The following ALKBH1 variants were observed in gnomAD, a reference collection of about 807,000 sequenced individuals.
ALKBH1 encodes the protein nucleic acid dioxygenase ALKBH1.
In ALKBH1, 31 loss-of-function variants were observed where a neutral mutation model predicts 36.6. The observed-to-expected ratio is 0.85, with a 90% CI of 0.64 to 1.14. ALKBH1 has a LOEUF of 1.14. Ranked by LOEUF, ALKBH1 falls within the 50% of genes most tolerant of loss-of-function variation. The probability of loss-of-function intolerance (pLI) is 0.00; values close to 1 mark genes in which losing one functional copy is unlikely to be tolerated. For missense variants in ALKBH1, 490 were observed against 497.3 expected (o/e 0.99, Z 0.14); for synonymous variants, 183 against 186.6 (o/e 0.98, Z 0.16).
At chr14:77,680,460 T>C (rs755033815) in intron 3 of ALKBH1, among the ~76,000 whole-genome samples, 2 of 152,148 alleles carry the variant, frequency 1.3e-5, no homozygotes, top group African/African-American at 2.4e-5. Flanking sequence ...CAAAATATAG[T>C]GTATAGTACA....
intron 5 of ALKBH1, among the ~76,000 whole-genome samples, chr14:77,674,849 GCC>G (rs2080196418): frequency 6.6e-6 from 1 of 152,106 alleles, no homozygotes; most frequent in African/African-American, 2.4e-5. Flanking sequence ...ATCATGCCCA[GCC>G]TATTGATGTG....
chr14:77,704,065 C>A (rs767002922), intron 2 of ALKBH1, among the ~76,000 whole-genome samples: 1 of 152,298 alleles, frequency 6.6e-6, no homozygotes, highest in Middle Eastern at 3.4e-3. Context: ...TTATTCTTCA[C>A]AGCACTTCTG....
At chr14:77,690,615 C>T (rs921196705) in intron 3 of ALKBH1, among the ~76,000 whole-genome samples, 1 of 152,108 alleles carries the variant, frequency 6.6e-6, no homozygotes, top group South Asian at 2.1e-4. Context: ...TTTATTCTGG[C>T]TTTGAAGTCT....
At chr14:77,682,526 AAAGGATG>A (rs2080243447) in intron 3 of ALKBH1, among the ~76,000 whole-genome samples, 1 of 152,162 alleles carries the variant, frequency 6.6e-6, no homozygotes, top group Non-Finnish European at 1.5e-5. Flanking sequence ...CTGTTGAAGA[AAAGGATG>A]ATGATGATGA....
chr14:77,680,433 G>A (rs1216384805), intron 3 of ALKBH1, among the ~76,000 whole-genome samples: 6 of 151,270 alleles, frequency 4.0e-5, no homozygotes, highest in Non-Finnish European at 8.8e-5. Flanking sequence ...TGCAGGTTGG[G>A]GAAAAAAAAA....
intron 1 of ALKBH1, among the ~76,000 whole-genome samples, chr14:77,707,383 G>A (rs905143305): frequency 6.6e-6 from 1 of 152,214 alleles, no homozygotes. Context: ...AAAAGAGCCA[G>A]AGGAGAAGAC....
chr14:77,692,796 G>GTATTTATT lies in ALKBH1; in HGVS notation c.455+1934_455+1941dup, dbSNP rs10638828. On this transcript the variant is annotated intron_variant, in intron 3 of 5. Coordinates refer to ENST00000216489, the MANE Select transcript of ALKBH1 (RefSeq NM_006020.3). ...TGTCTGTCCCTGCACCTACCAAATT[G>GTATTTATT]TATTTATTTATTTATTTATTTATTT... Among the ~76,000 whole-genome samples the GTATTTATT allele has an allele frequency of 1.9e-3, 289 of 150,234 alleles. 1 individual carries two copies. Among genetic ancestry groups the GTATTTATT allele is most frequent in the Non-Finnish European group, 3.2e-3 (213 of 67,532 alleles).
rs755218049 is a variant in ALKBH1 at position 77,673,942 on chromosome 14, A to G, written c.1040T>C (p.Leu347Pro). The G allele has an allele frequency of 6.2e-6, 10 of 1,614,216 alleles. No homozygotes were observed. Among genetic ancestry groups the G allele is most frequent in the Non-Finnish European group, 8.5e-6 (10 of 1,180,038 alleles). ...TAGAGGGAAATTCTGGTCTGTGGCCAGGACCTGTCGGACAGTCATGTTAAC... is the reference window on the plus strand; with the variant it reads ...TAGAGGGAAATTCTGGTCTGTGGCCGGGACCTGTCGGACAGTCATGTTAAC... ...ARVNMTVRQV[L>P]ATDQNFPLEP... The change falls in exon 6 of 6, where the codon CTG becomes CCG. Residue 347 changes from leucine to proline, a missense_variant. Leu to Pro is a moderately conservative substitution (Grantham distance 98). Transcript: ENST00000216489.
chr14:77,682,806 T>A (rs894839653), intron 3 of ALKBH1, among the ~76,000 whole-genome samples: 4 of 152,112 alleles, frequency 2.6e-5, no homozygotes, highest in Non-Finnish European at 5.9e-5. Flanking sequence ...GAAGTGATTC[T>A]CCTGCCTCAG....
chr14:77,707,556 C>T (rs1242471932), intron 1 of ALKBH1, among the ~76,000 whole-genome samples: 1 of 152,126 alleles, frequency 6.6e-6, no homozygotes, highest in Non-Finnish European at 1.5e-5. Flanking sequence ...TGTGAGGAGA[C>T]AGTTACAGTA....
At chr14:77,691,604 C>T (rs988976008) in intron 3 of ALKBH1, 4 of 152,164 alleles carry the variant, frequency 2.6e-5, no homozygotes, top group Non-Finnish European at 4.4e-5. Context: ...TGGCCTTAAT[C>T]GATTTTCAGT....
intron 3 of ALKBH1, chr14:77,683,117 G>A (rs1012980272): frequency 1.3e-5 from 7 of 527,442 alleles, no homozygotes; most frequent in Admixed American, 3.3e-5. Context: ...CTCCCAGAGT[G>A]CTAAGTGAGG....
Position 77,673,885 on chromosome 14 carries a change from C to T in ALKBH1, c.1097G>A (p.Ser366Asn). ...EPIEDEKRDI[S>N]TEGFCHLDDQ... ...ATCCAGATGGCAGAAACCTTCTGTACTGATGTCTCTTTTTTCATCCTCGAT... is the reference window on the plus strand; with the variant it reads ...ATCCAGATGGCAGAAACCTTCTGTATTGATGTCTCTTTTTTCATCCTCGAT... The change falls in exon 6 of 6, where the codon AGT becomes AAT. Residue 366 changes from serine to asparagine, a missense_variant. By Grantham distance (46) the Ser-to-Asn change is conservative. Coordinates refer to ENST00000216489, the MANE Select transcript of ALKBH1 (RefSeq NM_006020.3). 6.2e-7 allele frequency: 1 copy of T among 1,614,214 alleles called. No individual in the cohort carries two copies. The highest frequency in any genetic ancestry group is 8.5e-7 in the Non-Finnish European group (1 of 1,180,042).
Position 77,673,507 on chromosome 14 carries a change from C to A in ALKBH1, c.*305G>T. The A allele has an allele frequency of 3.0e-6, 1 of 329,670 alleles. No homozygotes were observed. The highest frequency in any genetic ancestry group is 5.6e-6 in the Non-Finnish European group (1 of 178,720). The allele number at this position is 329,670 out of a possible 1,614,324, so 20.4% of individuals were successfully genotyped here. ...CTGCAAACATGGAAACTCACTTCTACCTTCCTCAAAGGAAATAGCAGAGGC... is the reference window on the plus strand; with the variant it reads ...CTGCAAACATGGAAACTCACTTCTAACTTCCTCAAAGGAAATAGCAGAGGC... On this transcript the variant is annotated 3_prime_UTR_variant, in exon 6 of 6. Transcript: ENST00000216489.
intron 2 of ALKBH1, among the ~76,000 whole-genome samples, chr14:77,702,455 C>T (rs17106214): frequency 9.9e-5 from 15 of 152,166 alleles, no homozygotes; most frequent in African/African-American, 2.9e-4. Context: ...ACAAGTATTT[C>T]GGTGGTCATA....
chr14:77,704,337 A>G (rs563563494), intron 2 of ALKBH1, 32 bp downstream of exon 2: 1 of 1,447,208 alleles, frequency 6.9e-7, no homozygotes, highest in Admixed American at 1.7e-5. Flanking sequence ...TGATTGAGTG[A>G]TATTGCCTTC....
At chr14:77,688,442 G>A (rs2080279988) in intron 3 of ALKBH1, among the ~76,000 whole-genome samples, 1 of 151,844 alleles carries the variant, frequency 6.6e-6, no homozygotes, top group Non-Finnish European at 1.5e-5. Flanking sequence ...ATTTAGTAGA[G>A]ACAGAGTTTC....
chr14:77,678,971 A>G (rs952126651), intron 4 of ALKBH1, among the ~76,000 whole-genome samples: 2 of 151,952 alleles, frequency 1.3e-5, no homozygotes, highest in African/African-American at 4.8e-5. Flanking sequence ...ATGCACCACC[A>G]CATCTGGCTA....
At chr14:77,686,974 C>A (rs757407330) in intron 3 of ALKBH1, among the ~76,000 whole-genome samples, 2 of 152,184 alleles carry the variant, frequency 1.3e-5, no homozygotes, top group African/African-American at 2.4e-5. Flanking sequence ...CCCTTCTCAA[C>A]TTGACACTCC....
Sources: allele counts gnomAD v4.1 joint callset (sites outside exome capture counted in the v4.1 genomes callset), GRCh38; gene constraint gnomAD v4.1.1; transcripts MANE v1.5; gene names NCBI Gene and HGNC (gene_info 2026-07-23, HGNC 2026-07-21).